Variants in TNRC6C observed in about 807,000 individuals in gnomAD.
TNRC6C encodes the protein trinucleotide repeat-containing gene 6C protein.
A neutral mutation model predicts 153.7 loss-of-function variants in TNRC6C; 20 were observed. That is an observed-to-expected ratio of 0.13 (90% CI 0.09 to 0.19). The LOEUF is 0.19. TNRC6C is among the 10% of genes least tolerant of loss of function. The pLI is 1.00. For missense variants in TNRC6C, 1,987 were observed against 2,172.0 expected, an observed-to-expected ratio of 0.91 and a Z score of 1.69; for synonymous variants, 811 against 841.4, an observed-to-expected ratio of 0.96 and a Z score of 0.63.
chr17:78,002,630 C>T (rs2071430574), upstream of TNRC6C, among the ~76,000 whole-genome samples: 1 of 152,190 alleles, frequency 6.6e-6, no homozygotes, highest in Non-Finnish European at 1.5e-5. Flanking sequence ...TGGTGGCCCA[C>T]ACCTGTAATC....
chr17:78,096,183 C>T (rs554040385), intron 16 of TNRC6C, among the ~76,000 whole-genome samples: 4 of 152,322 alleles, frequency 2.6e-5, no homozygotes, highest in Non-Finnish European at 5.9e-5. Flanking sequence ...ACAGCTCACA[C>T]GTTCCCACTT....
At chr17:77,983,705 G>T (rs995155862) in intron 1 of TNRC6C, among the ~76,000 whole-genome samples, 2 of 152,150 alleles carry the variant, frequency 1.3e-5, no homozygotes, top group Admixed American at 1.3e-4. Flanking sequence ...CAGAAGCAAG[G>T]ATTGTAGTAA....
rs758356359 is a variant in TNRC6C, at chr17:78,049,805, T to C, written c.743T>C (p.Val248Ala). ...AGTGCTGAAGGAATAAGCAATTCTG[T>C]GTGGGGACTGTCCCCAGGTAACCCT... Residue 248 changes from valine to alanine, a missense_variant, in exon 3 of 20, where the codon GTG becomes GCG. Transcript: ENST00000301624. The surrounding 1 kb of genome is among the most constrained non-coding windows in gnomAD (Gnocchi z 4.1). 3.9e-5 allele frequency: 62 copies of C among 1,607,422 alleles called. No homozygotes were observed. In the Middle Eastern group the frequency reaches 5.0e-4, roughly 13 times the overall value.
chr17:78,075,185 G>C lies in TNRC6C; in HGVS notation c.2967G>C (p.Val989=). ...ACGTGGACAAGCGTGGGCTGGGAGT[G>C]ACCGACCATAATGGAATGGCCGCCA... The change falls in exon 8 of 20, where the codon GTG becomes GTC. Residue 989 remains valine (V), a synonymous_variant. Coordinates refer to ENST00000301624, the Ensembl canonical transcript of TNRC6C. This position sits in a 1 kb window ranked among gnomAD's most constrained non-coding sequence, Gnocchi z 4.2. The C allele has an allele frequency of 6.2e-7, 1 of 1,611,638 alleles. No individual in the cohort carries two copies. The highest frequency in any genetic ancestry group is 2.2e-5 in the East Asian group (1 of 44,808).
intron 16 of TNRC6C, 107 bp from the exon 20 acceptor site, chr17:78,098,236 C>T: frequency 9.1e-7 from 1 of 1,103,188 alleles, no homozygotes; most frequent in South Asian, 1.7e-5. Flanking sequence ...TTGCCTATCA[C>T]ACAGTCTGCT....
exon 3 of TNRC6C, chr17:78,051,395 C>T (rs901986982): frequency 5.2e-6 from 8 of 1,549,942 alleles, no homozygotes; most frequent in African/African-American, 2.7e-5. Context: ...GTCGAGACGC[C>T]GCCCCCGCAC....
At chr17:78,086,923 T>C in exon 13 of TNRC6C, 1 of 1,612,610 alleles carries the variant, frequency 6.2e-7, no homozygotes, top group East Asian at 2.2e-5. Context: ...CAGGCCCTGC[T>C]CGTGAAGCAG....
At chr17:78,094,207 C>A (rs544460332) in intron 16 of TNRC6C, among the ~76,000 whole-genome samples, 3 of 152,058 alleles carry the variant, frequency 2.0e-5, no homozygotes, top group African/African-American at 7.2e-5. Flanking sequence ...GTCTCGAACT[C>A]CTGACCTCAG....
intron 3 of TNRC6C, among the ~76,000 whole-genome samples, chr17:78,059,078 G>A (rs1326247575): frequency 6.6e-6 from 1 of 152,158 alleles, no homozygotes; most frequent in Non-Finnish European, 1.5e-5. Context: ...GAGAGCAGTG[G>A]CCTTCCTTCC....
At chr17:77,959,380 C>G (rs2070841508) in intron 1 of TNRC6C, 112 bp downstream of exon 1, 1 of 151,562 alleles carries the variant, frequency 6.6e-6, no homozygotes. Flanking sequence ...CCTAGCGACC[C>G]GCGTGCGGCG....
At chr17:78,023,233 T>G (rs1054299020) in intron 1 of TNRC6C, among the ~76,000 whole-genome samples, 2 of 152,250 alleles carry the variant, frequency 1.3e-5, no homozygotes, top group African/African-American at 4.8e-5. Flanking sequence ...CTGTGGATTT[T>G]GGCATCCAAG....
At chr17:78,006,581 T>TC (rs1402486633) in intron 1 of TNRC6C, among the ~76,000 whole-genome samples, 15 of 147,650 alleles carry the variant, frequency 1.0e-4, no homozygotes, top group Middle Eastern at 3.4e-3. Flanking sequence ...TCTTCCTTCT[T>TC]CTTCCTTCTT....
At chr17:77,989,203 G>A (rs1052184796) in intron 1 of TNRC6C, among the ~76,000 whole-genome samples, 1 of 152,180 alleles carries the variant, frequency 6.6e-6, no homozygotes, top group Non-Finnish European at 1.5e-5. Flanking sequence ...GATTCGAGTT[G>A]GGCACAATGG....
chr17:78,024,264 A>G (rs2071891428), intron 1 of TNRC6C, among the ~76,000 whole-genome samples: 1 of 152,188 alleles, frequency 6.6e-6, no homozygotes, highest in Non-Finnish European at 1.5e-5. Context: ...AAAGTTTGCT[A>G]TTGTGAAAGA....
exon 17 of TNRC6C, chr17:78,098,367 C>T (rs748178321): frequency 1.4e-5 from 23 of 1,612,712 alleles, no homozygotes; most frequent in African/African-American, 4.0e-5. Context: ...ATCAAATCGA[C>T]GTGGTCCTCT....
upstream of TNRC6C, chr17:78,004,302 T>C: frequency 8.1e-7 from 1 of 1,231,702 alleles, no homozygotes; most frequent in Non-Finnish European, 1.0e-6. Flanking sequence ...ATTGTCTTTG[T>C]ATCATTGTGT....
chr17:78,017,797 C>A (rs989511553), intron 1 of TNRC6C, among the ~76,000 whole-genome samples: 2 of 152,202 alleles, frequency 1.3e-5, no homozygotes, highest in East Asian at 3.8e-4. Flanking sequence ...AGCTCTTTTC[C>A]ATTTCAGGGC....
intron 13 of TNRC6C, 57 bp downstream of exon 15, chr17:78,087,150 G>A (rs546198178): frequency 1.5e-5 from 24 of 1,580,572 alleles, no homozygotes; most frequent in South Asian, 1.3e-4. Flanking sequence ...CCTGGAGTCC[G>A]TATGTGGTAG....
intron 3 of TNRC6C, among the ~76,000 whole-genome samples, chr17:78,056,757 G>A (rs959628102): frequency 3.3e-5 from 5 of 152,144 alleles, no homozygotes; most frequent in African/African-American, 1.2e-4. Flanking sequence ...GAGCCACCAC[G>A]CCTGGCCCAG....
Sources: gnomAD v4.1 joint callset for allele counts (sites outside exome capture counted in the v4.1 genomes callset) on GRCh38, gnomAD v4.1.1 for gene constraint, Gnocchi (gnomAD v3.1) non-coding constraint, MANE v1.5 for transcripts, NCBI Gene and HGNC (gene_info 2026-07-23, HGNC 2026-07-21) for gene names.